Variants in CXCL13 observed in about 807,000 individuals in gnomAD.
CXCL13 encodes C-X-C motif chemokine ligand 13, also known as C-X-C motif chemokine 13.
Under a neutral mutation model 12.2 loss-of-function variants are expected in CXCL13, and 7 were observed. That is an observed-to-expected ratio of 0.57 (90% CI 0.33 to 1.07). CXCL13 has a LOEUF of 1.07. Ranked by LOEUF, CXCL13 falls within the 50% of genes least tolerant of loss-of-function variation. The pLI is 0.04. For synonymous variants in CXCL13, 47 were observed against 42.4 expected (o/e 1.11, Z -0.42); for missense variants, 113 against 127.4 (o/e 0.89, Z 0.55).
Position 77,568,916 on chromosome 4 carries a change from T to A in CXCL13, c.-42-36908T>A, listed in dbSNP as rs182090133. 2.0e-3 allele frequency among the ~76,000 whole-genome samples: 312 copies of A among 152,330 alleles called. 2 individuals are homozygous for A. Among genetic ancestry groups the A allele is most frequent in the African/African-American group, 7.1e-3 (295 of 41,572 alleles). ...CTTATTGTCTCTTTATTTAATGCTTTGCTATAGGAGGTGAAAATTTGCAGG... is the reference window on the plus strand; with the variant it reads ...CTTATTGTCTCTTTATTTAATGCTTAGCTATAGGAGGTGAAAATTTGCAGG... On this transcript the variant is annotated intron_variant, in intron 1 of 4. Coordinates refer to the CXCL13 transcript ENST00000286758.
chr4:77,539,997 C>T (rs1431816398), intron 1 of CXCL13, among the ~76,000 whole-genome samples: 1 of 152,086 alleles, frequency 6.6e-6, no homozygotes, highest in Non-Finnish European at 1.5e-5. Flanking sequence ...GCCATAAAAA[C>T]AGGGAGATGC....
chr4:77,602,036 G>A (rs1451068565), upstream of CXCL13, among the ~76,000 whole-genome samples: 4 of 152,236 alleles, frequency 2.6e-5, no homozygotes, highest in African/African-American at 4.8e-5. Flanking sequence ...TTCTAGTTGA[G>A]TGGCATGAAA....
chr4:77,571,087 C>T (rs928902309), intron 1 of CXCL13, among the ~76,000 whole-genome samples: 2 of 151,998 alleles, frequency 1.3e-5, no homozygotes, highest in African/African-American at 2.4e-5. Flanking sequence ...CCATCTGCAG[C>T]CCCGGTGTGG....
intron 1 of CXCL13, among the ~76,000 whole-genome samples, chr4:77,554,694 G>A (rs1269772639): frequency 1.3e-5 from 2 of 152,000 alleles, no homozygotes; most frequent in East Asian, 1.9e-4. Context: ...CAACATATAT[G>A]CAGGATTATA....
intron 1 of CXCL13, among the ~76,000 whole-genome samples, chr4:77,586,256 G>T (rs1726455323): frequency 6.6e-6 from 1 of 151,792 alleles, no homozygotes; most frequent in African/African-American, 2.4e-5. Context: ...TGCCATCCTA[G>T]ATAAGCTACT....
chr4:77,529,659 C>A (rs1362764431), intron 1 of CXCL13, among the ~76,000 whole-genome samples: 1 of 152,150 alleles, frequency 6.6e-6, no homozygotes, highest in Non-Finnish European at 1.5e-5. Context: ...TGCCTATCGG[C>A]TTAAGGAGAT....
intron 1 of CXCL13, among the ~76,000 whole-genome samples, chr4:77,560,883 A>T (rs1725795671): frequency 6.6e-6 from 1 of 152,140 alleles, no homozygotes. Flanking sequence ...TAATGATATA[A>T]TTTTTATATT....
At chr4:77,586,297 A>G (rs1210356684) in intron 1 of CXCL13, among the ~76,000 whole-genome samples, 1 of 151,970 alleles carries the variant, frequency 6.6e-6, no homozygotes, top group African/African-American at 2.4e-5. Context: ...GGACACAATG[A>G]AATCACATGT....
intron 1 of CXCL13, among the ~76,000 whole-genome samples, chr4:77,537,911 C>G (rs1378578553): frequency 2.6e-5 from 4 of 152,162 alleles, no homozygotes; most frequent in African/African-American, 9.7e-5. Flanking sequence ...AGCTTCAGTC[C>G]TGAAGCTATT....
In CXCL13 at chr4:77,569,348, T is replaced by G. The variant is rs144954705; in HGVS notation, c.-42-36476T>G. Among the ~76,000 whole-genome samples the G allele has an allele frequency of 3.6e-3, 543 of 152,312 alleles. 3 individuals carry two copies. The highest frequency in any genetic ancestry group is 0.012 in the African/African-American group (517 of 41,566). On this transcript the variant is annotated intron_variant, in intron 1 of 4. Transcript: ENST00000286758. ...CTATCCCTGTTTGCAGATGACATGA[T>G]CCTATACCTAGAAAACCACATAATC...
intron 1 of CXCL13, among the ~76,000 whole-genome samples, chr4:77,600,312 GC>G (rs1470643908): frequency 6.6e-6 from 1 of 152,080 alleles, no homozygotes; most frequent in Non-Finnish European, 1.5e-5. Flanking sequence ...AAAGAGCAAA[GC>G]AATATGACAC....
At chr4:77,525,661 G>T (rs970100065) in intron 1 of CXCL13, among the ~76,000 whole-genome samples, 7 of 151,944 alleles carry the variant, frequency 4.6e-5, no homozygotes, top group Non-Finnish European at 7.4e-5. Context: ...GAATTAACAT[G>T]TACATGTTGC....
intron 1 of CXCL13, among the ~76,000 whole-genome samples, chr4:77,532,201 T>C (rs1185604640): frequency 2.6e-5 from 4 of 152,212 alleles, no homozygotes; most frequent in African/African-American, 4.8e-5. Flanking sequence ...TTCCTTTCCA[T>C]GTTTAGTGCT....
At chr4:77,568,588 T>A (rs896768150) in intron 1 of CXCL13, among the ~76,000 whole-genome samples, 1 of 152,022 alleles carries the variant, frequency 6.6e-6, no homozygotes, top group Non-Finnish European at 1.5e-5. Flanking sequence ...GATGCGAGAG[T>A]CATGTTGTTC....
chr4:77,529,626 G>A (rs1055358142), intron 1 of CXCL13, among the ~76,000 whole-genome samples: 4 of 152,198 alleles, frequency 2.6e-5, no homozygotes, highest in Non-Finnish European at 5.9e-5. Context: ...CATTGATTTT[G>A]TATCCTGAGA....
intron 1 of CXCL13, among the ~76,000 whole-genome samples, chr4:77,515,101 A>G (rs1221963427): frequency 6.6e-6 from 1 of 152,096 alleles, no homozygotes; most frequent in Non-Finnish European, 1.5e-5. Flanking sequence ...AGGTTTGTCA[A>G]AGATCAGATG....
At chr4:77,541,919 G>T (rs116810461) in intron 1 of CXCL13, among the ~76,000 whole-genome samples, 2 of 152,092 alleles carry the variant, frequency 1.3e-5, no homozygotes, top group African/African-American at 4.8e-5. Context: ...TCCTTGTAGA[G>T]ATCTTTCACC....
At chr4:77,554,930 G>C (rs185295653) in intron 1 of CXCL13, among the ~76,000 whole-genome samples, 4 of 152,074 alleles carry the variant, frequency 2.6e-5, no homozygotes, top group South Asian at 2.1e-4. Flanking sequence ...AGCTGAAGCA[G>C]TGATTGGGGG....
At chr4:77,534,183 C>A (rs963794981) in intron 1 of CXCL13, among the ~76,000 whole-genome samples, 9 of 151,090 alleles carry the variant, frequency 6.0e-5, no homozygotes, top group African/African-American at 2.2e-4. Flanking sequence ...TTCCACCTGG[C>A]AGTTTCTTAA....
Sources: allele counts gnomAD v4.1 joint callset (sites outside exome capture counted in the v4.1 genomes callset), GRCh38; gene constraint gnomAD v4.1.1; transcripts MANE v1.5; gene names NCBI Gene and HGNC (gene_info 2026-07-23, HGNC 2026-07-21).